Variants in ANXA8 observed in about 807,000 individuals in gnomAD.
ANXA8 encodes the protein annexin A8.
Under a neutral mutation model 26.8 loss-of-function variants are expected in ANXA8, and 9 were observed. That is an observed-to-expected ratio of 0.34 (90% confidence interval 0.20 to 0.59). The LOEUF is 0.59. ANXA8 is among the 20% of genes least tolerant of loss of function. The pLI is 0.84. For missense variants in ANXA8, 83 were observed against 238.5 expected, an observed-to-expected ratio of 0.35 and a Z score of 4.29; for synonymous variants, 39 against 94.8, an observed-to-expected ratio of 0.41 and a Z score of 3.42.
chr10:47,558,529 A>ATGTG, the ANXA8 span, among the ~76,000 whole-genome samples: 16,653 of 141,408 alleles, frequency 0.12, 1,169 homozygotes, highest in South Asian at 0.22. Flanking sequence ...GGGTTTTAAG[A>ATGTG]TGTGTGTGTG....
chr10:47,743,161 ACT>A, the ANXA8 span, among the ~76,000 whole-genome samples: 5 of 124,738 alleles, frequency 4.0e-5, no homozygotes, highest in Admixed American at 3.4e-4. Flanking sequence ...ACAGAGCAAG[ACT>A]CTGTCTCAAA....
At chr10:47,684,425 G>A in the ANXA8 span, among the ~76,000 whole-genome samples, 1 of 67,558 alleles carries the variant, frequency 1.5e-5, no homozygotes, top group East Asian at 9.0e-4. Flanking sequence ...TTTTTTTTTG[G>A]GGGGGGGGTG....
At chr10:47,742,078 G>A in the ANXA8 span, among the ~76,000 whole-genome samples, 51 of 108,794 alleles carry the variant, frequency 4.7e-4, no homozygotes, top group Non-Finnish European at 7.5e-4. Context: ...AGGCTTAGGT[G>A]AGCCTCTCGC....
chr10:47,573,279 G>C, the ANXA8 span, among the ~76,000 whole-genome samples: 3 of 149,966 alleles, frequency 2.0e-5, no homozygotes, highest in South Asian at 6.3e-4. Context: ...ACCGTGCCCA[G>C]CCAGCTTTTT....
chr10:47,762,304 G>T, the ANXA8 span, among the ~76,000 whole-genome samples: 2 of 151,244 alleles, frequency 1.3e-5, no homozygotes, highest in South Asian at 2.1e-4. Context: ...TCGCCCCGGG[G>T]GTGCTCAGAC....
chr10:47,666,666 G>A, the ANXA8 span, among the ~76,000 whole-genome samples: 1 of 151,850 alleles, frequency 6.6e-6, no homozygotes, highest in African/African-American at 2.4e-5. Context: ...ATGTCCTTGG[G>A]AAATCCTCAG....
the ANXA8 span, among the ~76,000 whole-genome samples, chr10:47,650,625 T>C: frequency 5.6e-5 from 8 of 143,800 alleles, no homozygotes; most frequent in African/African-American, 2.1e-4. Context: ...GCTAACATGG[T>C]GAAACCCCGT....
chr10:47,682,856 G>T, the ANXA8 span, among the ~76,000 whole-genome samples: 4 of 152,142 alleles, frequency 2.6e-5, no homozygotes, highest in Non-Finnish European at 4.4e-5. Context: ...GAAGGCAAAT[G>T]CCCTGGAACA....
the ANXA8 span, among the ~76,000 whole-genome samples, chr10:47,733,189 CTTTCTTTCTTTCTTTCTTTCTTTCTT>C: frequency 1.7e-5 from 2 of 115,822 alleles, no homozygotes; most frequent in African/African-American, 5.9e-5. Flanking sequence ...TTCTTTCTTT[CTTTCTTTCTTTCTTTCTTTCTTTCTT>C]TCTTTCTCTT....
the ANXA8 span, among the ~76,000 whole-genome samples, chr10:47,567,787 ATGT>A: frequency 1.4e-5 from 2 of 139,668 alleles, no homozygotes; most frequent in African/African-American, 5.5e-5. Context: ...TGTTCAATAA[ATGT>A]TGTTTAAAGT....
chr10:47,631,411 A>T, the ANXA8 span, among the ~76,000 whole-genome samples: 1 of 151,408 alleles, frequency 6.6e-6, no homozygotes, highest in Non-Finnish European at 1.5e-5. Context: ...CCCAAATTTA[A>T]ATCTTTGCAC....
the ANXA8 span, among the ~76,000 whole-genome samples, chr10:47,526,104 C>CTT: frequency 7.6e-6 from 1 of 132,438 alleles, no homozygotes; most frequent in African/African-American, 2.9e-5. Context: ...ATTTTTTTTA[C>CTT]TTTTTATTTT....
upstream of ANXA8, among the ~76,000 whole-genome samples, chr10:47,488,503 A>ACCG (rs1840085398): frequency 6.6e-6 from 1 of 150,568 alleles, no homozygotes; most frequent in Admixed American, 6.6e-5. Context: ...GAGCCACTGC[A>ACCG]CCTGGCCTAT....
the ANXA8 span, among the ~76,000 whole-genome samples, chr10:47,949,507 C>T: frequency 1.3e-5 from 2 of 150,120 alleles, no homozygotes; most frequent in Non-Finnish European, 3.0e-5. Context: ...AATACAAAGG[C>T]TTTTCTCATT....
At chr10:47,973,261 T>C in the ANXA8 span, 1 of 148,660 alleles carries the variant, frequency 6.7e-6, no homozygotes, top group Non-Finnish European at 1.5e-5. Context: ...TTCCTGAGCA[T>C]CATGTAGTCT....
At chr10:47,519,117 A>T in the ANXA8 span, among the ~76,000 whole-genome samples, 2 of 137,224 alleles carry the variant, frequency 1.5e-5, 1 homozygote, top group Non-Finnish European at 3.1e-5. Flanking sequence ...ATTCCTTATG[A>T]ATGGCTTGGT....
chr10:47,733,233 C>CTCTT, the ANXA8 span, among the ~76,000 whole-genome samples: 4,905 of 59,230 alleles, frequency 0.083, 430 homozygotes, highest in Non-Finnish European at 0.11. Context: ...CTTTCTTTCT[C>CTCTT]TCTTTCTTTC....
the ANXA8 span, chr10:47,538,376 C>CT: frequency 2.0e-5 from 2 of 97,738 alleles, 1 homozygote. Flanking sequence ...ACAACAACAA[C>CT]TTTTTTTCAT....
the ANXA8 span, among the ~76,000 whole-genome samples, chr10:47,526,115 T>G: frequency 7.5e-6 from 1 of 134,022 alleles, no homozygotes; most frequent in Non-Finnish European, 1.6e-5. Context: ...TTTTTATTTT[T>G]TTTTTTTTTG....
Sources: allele counts gnomAD v4.1 joint callset (sites outside exome capture counted in the v4.1 genomes callset), GRCh38; gene constraint gnomAD v4.1.1; transcripts MANE v1.5; gene names NCBI Gene and HGNC (gene_info 2026-07-23, HGNC 2026-07-21).